PAK5: variants seen among roughly 807,000 people sequenced by gnomAD.
PAK5 encodes p21 (RAC1) activated kinase 5.
PAK5 carries 16 observed loss-of-function variants against 65.9 expected under a neutral mutation model. The ratio of observed to expected loss-of-function variants is 0.24; its 90% CI spans 0.16 to 0.37. The LOEUF is 0.37. Ranked by LOEUF, PAK5 falls within the 10% of genes least tolerant of loss-of-function variation. The probability of loss-of-function intolerance (pLI) is 1.00; values close to 1 mark genes in which losing one functional copy is unlikely to be tolerated. For synonymous variants in PAK5, 371 were observed against 354.9 expected, an observed-to-expected ratio of 1.05 and a Z score of -0.51; for missense variants, 785 against 903.9, an observed-to-expected ratio of 0.87 and a Z score of 1.69.
intron 7 of PAK5, among the ~76,000 whole-genome samples, chr20:9,548,190 A>G (rs1275038199): frequency 6.6e-6 from 1 of 152,072 alleles, no homozygotes; most frequent in Non-Finnish European, 1.5e-5. Flanking sequence ...TAGAATATCC[A>G]GGGCTAAAAC....
chr20:9,542,571 G>A lies in PAK5; in HGVS notation c.2004+15C>T, dbSNP rs1046432465. The A allele has an allele frequency of 4.7e-5, 76 of 1,613,792 alleles. No homozygotes were observed. The highest frequency in any genetic ancestry group is 6.4e-5 in the Non-Finnish European group (76 of 1,179,810). On this transcript the variant is annotated intron_variant, in intron 9 of 9. Transcript: ENST00000353224. Reference sequence around the variant, plus strand: ...AAAACTATTCTGAACTTTAGCAACAGCTGCTGTTTCTCACCTTGTGTAGGT... The same window carrying A: ...AAAACTATTCTGAACTTTAGCAACAACTGCTGTTTCTCACCTTGTGTAGGT...
rs749913916 is a variant in PAK5, at chr20:9,580,458, G to C, written c.677C>G (p.Ser226Cys). The C allele has an allele frequency of 4.3e-6, 7 of 1,613,942 alleles. No homozygotes were observed. The highest frequency in any genetic ancestry group is 2.7e-5 in the African/African-American group (2 of 74,882). ...KWEYQRASSSSPLDYSFQFTP... is the reference protein window; with the variant it reads ...KWEYQRASSSCPLDYSFQFTP... ...GAATTGGAATGAATAATCCAGAGGG[G>C]AGCTACTCGAGGCTCTCTGATACTC... The change falls in exon 4 of 10, where the codon TCC becomes TGC. Residue 226 changes from serine (S) to cysteine (C), a missense_variant. Coordinates refer to ENST00000353224, the MANE Select transcript of PAK5 (RefSeq NM_177990.4).
intron 1 of PAK5, among the ~76,000 whole-genome samples, chr20:9,791,073 A>G (rs1314695580): frequency 1.3e-5 from 2 of 152,096 alleles, no homozygotes; most frequent in African/African-American, 4.8e-5. Context: ...ATGGCAGTAA[A>G]GTCCAATATT....
At chr20:9,679,728 C>T (rs1187151129) in intron 2 of PAK5, among the ~76,000 whole-genome samples, 2 of 152,138 alleles carry the variant, frequency 1.3e-5, no homozygotes, top group South Asian at 2.1e-4. Context: ...GCTCTCATTT[C>T]CCAACATCAC....
intron 1 of PAK5, among the ~76,000 whole-genome samples, chr20:9,813,669 T>C (rs1011060264): frequency 1.3e-5 from 2 of 152,190 alleles, no homozygotes; most frequent in Middle Eastern, 3.4e-3. Flanking sequence ...ATAAGTGAAC[T>C]GCAACTACAC....
chr20:9,617,089 T>A (rs2046670585), intron 3 of PAK5, among the ~76,000 whole-genome samples: 1 of 152,164 alleles, frequency 6.6e-6, no homozygotes, highest in Admixed American at 6.5e-5. Context: ...TTATTCCAAG[T>A]GAGTCGATGG....
At chr20:9,818,680 C>T (rs1654164673) in intron 1 of PAK5, 1 of 152,144 alleles carries the variant, frequency 6.6e-6, no homozygotes, top group Non-Finnish European at 1.5e-5. Context: ...AAGTCTATAC[C>T]TGATAATATT....
chr20:9,787,998 T>G (rs2049011667), intron 1 of PAK5, among the ~76,000 whole-genome samples: 1 of 151,542 alleles, frequency 6.6e-6, no homozygotes, highest in Non-Finnish European at 1.5e-5. Context: ...GGGGTATGTG[T>G]GAGTACCCAT....
intron 2 of PAK5, among the ~76,000 whole-genome samples, chr20:9,700,502 T>C (rs2047925830): frequency 6.6e-6 from 1 of 152,190 alleles, no homozygotes; most frequent in African/African-American, 2.4e-5. Context: ...TTCTGGCTTG[T>C]TTCCAGTTTT....
intron 3 of PAK5, among the ~76,000 whole-genome samples, chr20:9,638,359 T>C (rs988928337): frequency 6.6e-6 from 1 of 152,232 alleles, no homozygotes; most frequent in African/African-American, 2.4e-5. Flanking sequence ...CTACATGGCC[T>C]ACATGGCTAG....
At chr20:9,763,656 T>C (rs113234163) in intron 1 of PAK5, among the ~76,000 whole-genome samples, 39 of 152,034 alleles carry the variant, frequency 2.6e-4, no homozygotes, top group Non-Finnish European at 4.9e-4. Context: ...CAGGAGTGAA[T>C]TGAGTTGCAA....
intron 1 of PAK5, among the ~76,000 whole-genome samples, chr20:9,719,010 C>G (rs1204312465): frequency 3.9e-5 from 6 of 152,144 alleles, no homozygotes; most frequent in Non-Finnish European, 7.3e-5. Context: ...CATCTGCCCC[C>G]CTGTGATCTT....
In PAK5 at chr20:9,644,108, T is replaced by C. The variant is rs1309967853; in HGVS notation, c.204+17A>G. ...CATGATTCTTAAGCCCAGCCAAAGATGGAGCCCTCACCATACCTTCATAGG... is the reference window on the plus strand; with the variant it reads ...CATGATTCTTAAGCCCAGCCAAAGACGGAGCCCTCACCATACCTTCATAGG... On this transcript the variant is annotated intron_variant, in intron 3 of 9. Transcript: ENST00000353224. 1 of 1,600,058 alleles carries C rather than the reference T, an allele frequency of 6.2e-7. No homozygotes were observed. Among genetic ancestry groups the C allele is most frequent in the Admixed American group, 1.7e-5 (1 of 59,978 alleles).
chr20:9,771,865 C>G (rs984585787), intron 1 of PAK5, among the ~76,000 whole-genome samples: 1 of 152,054 alleles, frequency 6.6e-6, no homozygotes, highest in Non-Finnish European at 1.5e-5. Context: ...TGGCAAAACT[C>G]TATCTCCACA....
chr20:9,801,700 G>A (rs926319853), intron 1 of PAK5, among the ~76,000 whole-genome samples: 1 of 151,852 alleles, frequency 6.6e-6, no homozygotes, highest in African/African-American at 2.4e-5. Context: ...TTAATTAAAT[G>A]TGATATTGGC....
intron 1 of PAK5, among the ~76,000 whole-genome samples, chr20:9,775,606 T>G (rs1051252697): frequency 6.6e-6 from 1 of 152,218 alleles, no homozygotes; most frequent in Non-Finnish European, 1.5e-5. Context: ...TCATTTTCAA[T>G]TAGCAGCAAA....
intron 3 of PAK5, among the ~76,000 whole-genome samples, chr20:9,600,203 C>T (rs1199380607): frequency 6.6e-6 from 1 of 152,086 alleles, no homozygotes; most frequent in Non-Finnish European, 1.5e-5. Flanking sequence ...ATTCCATTGG[C>T]CTAGATGTCC....
intron 2 of PAK5, among the ~76,000 whole-genome samples, chr20:9,663,277 G>C (rs1352056396): frequency 6.6e-6 from 1 of 152,080 alleles, no homozygotes. Flanking sequence ...CCCACTATGT[G>C]ACTGGCCCCT....
rs551064718 is a variant in PAK5 at position 9,823,358 on chromosome 20, C to T, written c.-162+15404G>A. 5.5e-4 allele frequency among the ~76,000 whole-genome samples: 83 copies of T among 152,286 alleles called. 1 individual carries two copies. The South Asian group carries it at 0.015, about 27-fold the overall frequency. ...TGTTATAGCAGCAGGAATGGACTGACAGTTTCTGATATGGTTTGGCTGTGT... is the reference window on the plus strand; with the variant it reads ...TGTTATAGCAGCAGGAATGGACTGATAGTTTCTGATATGGTTTGGCTGTGT... On this transcript the variant is annotated intron_variant, in intron 1 of 9. Coordinates refer to ENST00000353224, the MANE Select transcript of PAK5 (RefSeq NM_177990.4).
Sources: allele counts gnomAD v4.1 joint callset (sites outside exome capture counted in the v4.1 genomes callset), GRCh38; gene constraint gnomAD v4.1.1; transcripts MANE v1.5; gene names NCBI Gene and HGNC (gene_info 2026-07-23, HGNC 2026-07-21).